Variants in ERC2 observed in about 807,000 individuals in gnomAD.
ERC2 encodes ELKS/RAB6-interacting/CAST family member 2, also known as ERC protein 2.
In ERC2, 42 loss-of-function variants were observed where a neutral mutation model predicts 114.8. The observed-to-expected ratio is 0.37, with a 90% confidence interval of 0.29 to 0.47. The LOEUF (loss-of-function observed/expected upper bound fraction) is 0.47, where lower values mean the gene tolerates loss of function less well. Among genes scored for constraint, ERC2 ranks in the 20% least tolerant of loss-of-function variants. The pLI, the probability that ERC2 is intolerant of heterozygous loss-of-function variation, is 0.99. For synonymous variants in ERC2, 454 were observed against 425.5 expected, an observed-to-expected ratio of 1.07 and a Z score of -0.82; for missense variants, 939 against 1,150.7, an observed-to-expected ratio of 0.82 and a Z score of 2.66.
chr3:56,178,648 C>T (rs1015840798), intron 3 of ERC2, among the ~76,000 whole-genome samples: 1 of 152,258 alleles, frequency 6.6e-6, no homozygotes, highest in African/African-American at 2.4e-5. Context: ...AGTCTTAAAA[C>T]ATGGGAGGTT....
chr3:56,160,387 G>A (rs2081982745), intron 4 of ERC2, among the ~76,000 whole-genome samples: 1 of 152,120 alleles, frequency 6.6e-6, no homozygotes, highest in Non-Finnish European at 1.5e-5. Context: ...ATCTTTGCTG[G>A]ATGTGCAGTT....
intron 6 of ERC2, among the ~76,000 whole-genome samples, chr3:56,131,642 C>T (rs2080204483): frequency 6.6e-6 from 1 of 151,834 alleles, no homozygotes; most frequent in African/African-American, 2.4e-5. Flanking sequence ...GTGAAAAAAA[C>T]CTGAAATTAT....
chr3:56,342,386 T>C (rs548244434), intron 2 of ERC2, among the ~76,000 whole-genome samples: 8 of 152,324 alleles, frequency 5.3e-5, no homozygotes, highest in African/African-American at 7.2e-5. Flanking sequence ...TAATAACAAA[T>C]ATCCCTAGTG....
chr3:56,041,176 T>C (rs904318858), intron 7 of ERC2, among the ~76,000 whole-genome samples: 1 of 152,156 alleles, frequency 6.6e-6, no homozygotes, highest in Non-Finnish European at 1.5e-5. Flanking sequence ...ATCTTGGACA[T>C]TTTAGATATA....
At chr3:55,632,979 C>T (rs1202951445) in intron 17 of ERC2, among the ~76,000 whole-genome samples, 1 of 152,116 alleles carries the variant, frequency 6.6e-6, no homozygotes, top group African/African-American at 2.4e-5. Flanking sequence ...ACTATTTTTT[C>T]CAGAGTACCC....
At chr3:55,973,381 G>T (rs1019848145) in intron 12 of ERC2, among the ~76,000 whole-genome samples, 1 of 152,204 alleles carries the variant, frequency 6.6e-6, no homozygotes, top group African/African-American at 2.4e-5. Flanking sequence ...ATAGAGTAGT[G>T]GGAGGATGAG....
intron 7 of ERC2, among the ~76,000 whole-genome samples, chr3:56,070,516 T>A (rs2076685647): frequency 6.7e-6 from 1 of 149,558 alleles, no homozygotes; most frequent in Non-Finnish European, 1.5e-5. Flanking sequence ...GAATATAAGG[T>A]CTTAACCCAG....
At chr3:56,042,731 C>A (rs1430885070) in intron 7 of ERC2, among the ~76,000 whole-genome samples, 1 of 151,820 alleles carries the variant, frequency 6.6e-6, no homozygotes, top group Non-Finnish European at 1.5e-5. Context: ...AGCGGCTTCC[C>A]AATTCTCGGT....
intron 17 of ERC2, among the ~76,000 whole-genome samples, chr3:55,610,066 A>AAAAAAAAAAAAAAAAAAACAAAAAC: frequency 1.3e-5 from 1 of 77,806 alleles, no homozygotes; most frequent in African/African-American, 1.2e-4. Flanking sequence ...AACACAAACA[A>AAAAAAAAAAAAAAAAAAACAAAAAC]AAAAAAAAAA....
intron 3 of ERC2, among the ~76,000 whole-genome samples, chr3:56,207,791 TC>T (rs1287356968): frequency 6.6e-6 from 1 of 151,930 alleles, no homozygotes; most frequent in African/African-American, 2.4e-5. Flanking sequence ...TCTAGGAGAG[TC>T]CCTGGTACAA....
intron 1 of ERC2, among the ~76,000 whole-genome samples, chr3:56,460,596 A>G (rs370150940): frequency 1.3e-5 from 2 of 152,238 alleles, no homozygotes; most frequent in East Asian, 3.8e-4. Context: ...TAAATGCTCA[A>G]TAAATGGTGC....
chr3:56,313,337 A>G (rs530496382), intron 2 of ERC2, among the ~76,000 whole-genome samples: 123 of 152,138 alleles, frequency 8.1e-4, no homozygotes, highest in African/African-American at 2.9e-3. Context: ...TTAAAAGGGT[A>G]AATTTTATGA....
chr3:56,044,909 G>A (rs562223830), intron 7 of ERC2, among the ~76,000 whole-genome samples: 1 of 152,268 alleles, frequency 6.6e-6, no homozygotes, highest in South Asian at 2.1e-4. Flanking sequence ...GTTATTTGCA[G>A]ACAATTTATT....
intron 3 of ERC2, among the ~76,000 whole-genome samples, chr3:56,193,170 G>A (rs1270357816): frequency 1.3e-5 from 2 of 152,174 alleles, no homozygotes; most frequent in East Asian, 3.8e-4. Flanking sequence ...AAAACAGTGT[G>A]TACTCCTTGT....
At chr3:56,346,812 G>A (rs534167501) in intron 2 of ERC2, among the ~76,000 whole-genome samples, 36 of 152,184 alleles carry the variant, frequency 2.4e-4, no homozygotes, top group Non-Finnish European at 4.6e-4. Context: ...GTAGAGGCCA[G>A]TATCTAGAAA....
intron 3 of ERC2, among the ~76,000 whole-genome samples, chr3:56,233,006 A>T (rs2050728486): frequency 6.6e-6 from 1 of 152,228 alleles, no homozygotes; most frequent in Admixed American, 6.5e-5. Flanking sequence ...CTTTCTTTTT[A>T]TAACACCACG....
intron 14 of ERC2, among the ~76,000 whole-genome samples, chr3:55,809,452 G>A (rs1312508199): frequency 6.6e-6 from 1 of 152,134 alleles, no homozygotes; most frequent in Non-Finnish European, 1.5e-5. Context: ...GAGACAACCT[G>A]TTGAATGATT....
At chr3:55,802,840 G>C (rs1030493007) in intron 14 of ERC2, among the ~76,000 whole-genome samples, 2 of 152,108 alleles carry the variant, frequency 1.3e-5, no homozygotes, top group Non-Finnish European at 2.9e-5. Flanking sequence ...TCACTTACAA[G>C]GTCTTACAAA....
At chr3:55,764,731 C>A (rs1470290860) in intron 14 of ERC2, among the ~76,000 whole-genome samples, 1 of 152,174 alleles carries the variant, frequency 6.6e-6, no homozygotes, top group Non-Finnish European at 1.5e-5. Flanking sequence ...CTTGTATTTA[C>A]TCTTATACCT....
Sources: gnomAD v4.1 joint callset for allele counts (sites outside exome capture counted in the v4.1 genomes callset) on GRCh38, gnomAD v4.1.1 for gene constraint, MANE v1.5 for transcripts, NCBI Gene and HGNC (gene_info 2026-07-23, HGNC 2026-07-21) for gene names.